DGKD: variants seen among roughly 807,000 people sequenced by gnomAD.
DGKD encodes diacylglycerol kinase delta.
In DGKD, 68 loss-of-function variants were observed where a neutral mutation model predicts 154.4. That is an observed-to-expected ratio of 0.44 (90% CI 0.36 to 0.54). The LOEUF (loss-of-function observed/expected upper bound fraction) is 0.54, where lower values mean the gene tolerates loss of function less well. DGKD is among the 20% of genes least tolerant of loss of function. The pLI, the probability that DGKD is intolerant of heterozygous loss-of-function variation, is 0.00. For synonymous variants in DGKD, 693 were observed against 638.0 expected, an observed-to-expected ratio of 1.09 and a Z score of -1.30; for missense variants, 1,343 against 1,593.6, an observed-to-expected ratio of 0.84 and a Z score of 2.68.
At position 233,449,279 on chromosome 2, in the gene DGKD, G is replaced by A. The variant is rs1294563312; in HGVS notation, c.1791G>A (p.Pro597=). The change falls in exon 15 of 30, where the codon CCG becomes CCA. Residue 597 remains proline (P), a synonymous_variant. Coordinates refer to ENST00000264057, the MANE Select transcript of DGKD (RefSeq NM_152879.3). The surrounding 1 kb of genome is among the most constrained non-coding windows in gnomAD (Gnocchi z 5.3). ...TGDRLVASAC[P]ARPQIFRPRE... ...ACCGCTTGGTGGCATCAGCTTGCCCGGCCCGGCCGCAGATATTCCGGCCTC... is the reference window on the plus strand; with the variant it reads ...ACCGCTTGGTGGCATCAGCTTGCCCAGCCCGGCCGCAGATATTCCGGCCTC... 3.5e-5 allele frequency: 57 copies of A among 1,613,216 alleles called. No homozygotes were observed. Among genetic ancestry groups the A allele is most frequent in the East Asian group, 4.5e-5 (2 of 44,880 alleles).
At chr2:233,358,746 C>T (rs1015741160) in intron 1 of DGKD, among the ~76,000 whole-genome samples, 1 of 152,132 alleles carries the variant, frequency 6.6e-6, no homozygotes, top group African/African-American at 2.4e-5. Context: ...CTTTCTGTTG[C>T]TGGGTAATAT....
At chr2:233,412,109 A>C (rs968213217) in intron 3 of DGKD, among the ~76,000 whole-genome samples, 1 of 152,098 alleles carries the variant, frequency 6.6e-6, no homozygotes, top group Admixed American at 6.5e-5. Context: ...TTTTCATATA[A>C]ATTTTAATAT....
At chr2:233,385,313 G>A (rs1277291189) in intron 1 of DGKD, among the ~76,000 whole-genome samples, 1 of 152,196 alleles carries the variant, frequency 6.6e-6, no homozygotes, top group Non-Finnish European at 1.5e-5. Flanking sequence ...CTCCAGCTCA[G>A]GCCCAGTGCT....
rs779444280 is a variant in DGKD at position 233,441,630 on chromosome 2, AGCTGAGTGGTCTTGTC to A, written c.1086-252_1086-237del. On this transcript the variant is annotated intron_variant, in intron 9 of 29. Transcript: ENST00000264057. The surrounding 1 kb of genome is among the most constrained non-coding windows in gnomAD (Gnocchi z 5.6). ...CTGCAGAGCGTGCAGTGGCTCACCA[AGCTGAGTGGTCTTGTC>A]GCTGGGTGGGGCGTGGCTGGTGGGA... Among the ~76,000 whole-genome samples the A allele has an allele frequency of 1.5e-3, 236 of 152,312 alleles. No homozygotes were observed. Among genetic ancestry groups the A allele is most frequent in the Middle Eastern group, 6.8e-3 (2 of 294 alleles).
At position 233,410,574 on chromosome 2, in the gene DGKD, A is replaced by G. The variant is rs75504850; in HGVS notation, c.348+20091A>G. Among the ~76,000 whole-genome samples the G allele has an allele frequency of 6.2e-3, 944 of 152,310 alleles. 20 individuals are homozygous for G. In the East Asian group the frequency reaches 0.08, roughly 13 times the overall value. On this transcript the variant is annotated intron_variant, in intron 3 of 29. Coordinates refer to ENST00000264057, the MANE Select transcript of DGKD (RefSeq NM_152879.3). ...TCTCCAGGGCAGTACACAACCTCTT[A>G]TCTTTAGCACTCACTTTGACTTGCA...
intron 3 of DGKD, among the ~76,000 whole-genome samples, chr2:233,390,974 C>A (rs1703566565): frequency 6.6e-6 from 1 of 152,188 alleles, no homozygotes; most frequent in South Asian, 2.1e-4. Context: ...CTCAGGTGAT[C>A]CACCCTCCTT....
chr2:233,429,138 A>C, intron 3 of DGKD: 1 of 985,194 alleles, frequency 1.0e-6, no homozygotes, highest in African/African-American at 1.7e-5. Flanking sequence ...CCAAAGATCC[A>C]TCTTCTCAAA....
In DGKD at chr2:233,441,847, G is replaced by T. The variant is rs1185363726; in HGVS notation, c.1086-40G>T. The T allele has an allele frequency of 1.9e-6, 3 of 1,576,532 alleles. No homozygotes were observed. Among genetic ancestry groups the T allele is most frequent in the Non-Finnish European group, 2.6e-6 (3 of 1,150,906 alleles). On this transcript the variant is annotated intron_variant, in intron 9 of 29. Transcript: ENST00000264057. The surrounding 1 kb of genome is among the most constrained non-coding windows in gnomAD (Gnocchi z 5.6). ...TGACAAGCCTGTCATTTGTCCTGTG[G>T]AATGGATGTCATTTCACGGCCTTTC...
intron 27 of DGKD, among the ~76,000 whole-genome samples, chr2:233,466,126 A>C (rs978303302): frequency 2.0e-5 from 3 of 151,914 alleles, no homozygotes; most frequent in Non-Finnish European, 4.4e-5. Flanking sequence ...ACTGTGCTCC[A>C]AGCAATGGTC....
Position 233,459,869 on chromosome 2 carries a change from C to T in DGKD, c.2807C>T (p.Ala936Val), listed in dbSNP as rs2063569811. The change falls in exon 23 of 30, where the codon GCA becomes GTA. Residue 936 changes from alanine to valine, a missense_variant. By Grantham distance (64) the Ala-to-Val change is moderately conservative. Coordinates refer to ENST00000264057, the MANE Select transcript of DGKD (RefSeq NM_152879.3). This position sits in a 1 kb window ranked among gnomAD's most constrained non-coding sequence, Gnocchi z 5.7. ...ATTCGGATTGTCCACAAGAACCGGGCACAGACACTGACCAGAGACAGGGTA... is the reference window on the plus strand; with the variant it reads ...ATTCGGATTGTCCACAAGAACCGGGTACAGACACTGACCAGAGACAGGGTA... ...GYIRIVHKNR[A>V]QTLTRDRAFE... 6.2e-7 allele frequency: 1 copy of T among 1,613,970 alleles called. No homozygotes were observed. Among genetic ancestry groups the T allele is most frequent in the Non-Finnish European group, 8.5e-7 (1 of 1,179,924 alleles).
intron 19 of DGKD, 148 bp from the exon 20 acceptor site, chr2:233,456,751 T>C: frequency 1.6e-6 from 1 of 623,620 alleles, no homozygotes; most frequent in Middle Eastern, 3.1e-4. Flanking sequence ...AAAACAAAAA[T>C]GTGTCCTTCA....
rs566587557 is a variant in DGKD, at chr2:233,384,967, G to C, written c.157-3290G>C. On this transcript the variant is annotated intron_variant, in intron 1 of 29. Coordinates refer to ENST00000264057, the MANE Select transcript of DGKD (RefSeq NM_152879.3). ...TGTGCCCCACATCCCAGAGCACTCTGGTGTGTACACATCCGCCTTCCTCTG... is the reference window on the plus strand; with the variant it reads ...TGTGCCCCACATCCCAGAGCACTCTCGTGTGTACACATCCGCCTTCCTCTG... Among the ~76,000 whole-genome samples, 15 of 152,254 alleles carry C rather than the reference G, an allele frequency of 9.9e-5. No individual in the cohort carries two copies. In the East Asian group the frequency reaches 2.9e-3, roughly 29 times the overall value.
intron 28 of DGKD, 68 bp downstream of exon 28, chr2:233,467,271 T>G (rs1323827224): frequency 1.8e-6 from 2 of 1,118,994 alleles, no homozygotes; most frequent in African/African-American, 3.1e-5. Context: ...GTTCCCCTGG[T>G]CTCTGCTTTC....
intron 1 of DGKD, chr2:233,386,138 G>T: frequency 3.2e-6 from 1 of 311,774 alleles, no homozygotes; most frequent in Non-Finnish European, 6.5e-6. Flanking sequence ...ACTTTTCTGG[G>T]TTTTGGGTTG....
chr2:233,469,338 T>G, intron 29 of DGKD, 33 bp from the exon 30 acceptor site: 2 of 1,578,732 alleles, frequency 1.3e-6, no homozygotes, highest in Non-Finnish European at 1.7e-6. Flanking sequence ...GGCTGTCTTC[T>G]CGGCATCCAT....
chr2:233,404,683 A>ATCAAGAAGC (rs1490152691), intron 3 of DGKD, among the ~76,000 whole-genome samples: 103 of 152,332 alleles, frequency 6.8e-4, no homozygotes, highest in Non-Finnish European at 1.3e-3. Flanking sequence ...CATGTCACAT[A>ATCAAGAAGC]ACTTTAAAAA....
At chr2:233,401,940 A>G (rs2125486191) in intron 3 of DGKD, among the ~76,000 whole-genome samples, 2 of 133,790 alleles carry the variant, frequency 1.5e-5, no homozygotes, top group Non-Finnish European at 1.7e-5. Context: ...AAAAAAAAAA[A>G]AAAAAAAGCA....
At chr2:233,385,994 C>T (rs531739435) in intron 1 of DGKD, 211 of 446,068 alleles carry the variant, frequency 4.7e-4, no homozygotes, top group African/African-American at 3.7e-3. Flanking sequence ...TGTGCGTGTG[C>T]GTGTGTGTGC....
chr2:233,468,206 A>T (rs188476087), intron 28 of DGKD, among the ~76,000 whole-genome samples: 96 of 145,164 alleles, frequency 6.6e-4, no homozygotes, highest in Non-Finnish European at 1.0e-3. Context: ...CTCAGGTGCC[A>T]GCTGCTGGGC....
Sources: gnomAD v4.1 joint callset for allele counts (sites outside exome capture counted in the v4.1 genomes callset) on GRCh38, gnomAD v4.1.1 for gene constraint, Gnocchi (gnomAD v3.1) non-coding constraint, MANE v1.5 for transcripts, NCBI Gene and HGNC (gene_info 2026-07-23, HGNC 2026-07-21) for gene names.